Variants in GRB10 observed in about 807,000 individuals in gnomAD.
The protein encoded by GRB10 is growth factor receptor bound protein 10, also known as growth factor receptor-bound protein 10.
GRB10 carries 20 observed loss-of-function variants against 80.9 expected under a neutral mutation model. That is an observed-to-expected ratio of 0.25 (90% CI 0.17 to 0.36). The LOEUF (loss-of-function observed/expected upper bound fraction) is 0.36, where lower values mean the gene tolerates loss of function less well. GRB10 is among the 10% of genes least tolerant of loss of function. GRB10 has a pLI of 1.00. For synonymous variants in GRB10, 291 were observed against 291.5 expected (o/e 1.00, Z 0.02); for missense variants, 548 against 747.7 (o/e 0.73, Z 3.12).
chr7:50,767,006 C>G (rs1344966368), intron 2 of GRB10, among the ~76,000 whole-genome samples: 3 of 152,192 alleles, frequency 2.0e-5, no homozygotes, highest in East Asian at 3.8e-4. Flanking sequence ...AAATGCATCA[C>G]TATCATACAG....
intron 7 of GRB10, among the ~76,000 whole-genome samples, chr7:50,662,372 G>A (rs1380058911): frequency 6.6e-6 from 1 of 152,246 alleles, no homozygotes; most frequent in Non-Finnish European, 1.5e-5. Flanking sequence ...TCCAAGAAAT[G>A]AAGGGTTATT....
At chr7:50,593,467 G>C (rs1331547896) in intron 18 of GRB10, among the ~76,000 whole-genome samples, 1 of 152,102 alleles carries the variant, frequency 6.6e-6, no homozygotes, top group African/African-American at 2.4e-5. Context: ...GCCCCGAGAA[G>C]ACTGCACAAA....
At chr7:50,682,411 A>G (rs1159522909) in intron 5 of GRB10, among the ~76,000 whole-genome samples, 6 of 152,222 alleles carry the variant, frequency 3.9e-5, no homozygotes. Flanking sequence ...ACGTGCCCTC[A>G]GGCAGGGTCA....
rs1220592708 is a variant in GRB10, at chr7:50,773,401, G to GGGGAA, written c.-217+7221_-217+7225dup. Among the ~76,000 whole-genome samples the GGGGAA allele has an allele frequency of 6.1e-4, 43 of 70,992 alleles. 1 individual carries two copies. In the East Asian group the frequency reaches 6.3e-3, roughly 10 times the overall value. The allele number at this position is 70,992 out of a possible 152,430, so 46.6% of individuals were successfully genotyped here. On this transcript the variant is annotated intron_variant, in intron 2 of 18. Coordinates refer to ENST00000401949, the MANE Select transcript of GRB10 (RefSeq NM_001350814.2). Reference sequence around the variant, plus strand: ...GAATGGGAAGGGAAGGGGAAGGGAAGGGGAAGGGGAAGGGGACGGGGAAGG... The same window carrying GGGGAA: ...GAATGGGAAGGGAAGGGGAAGGGAAGGGGAAGGGAAGGGGAAGGGGACGGGGAAGG...
At chr7:50,596,643 G>C (rs1367619302) in intron 17 of GRB10, among the ~76,000 whole-genome samples, 1 of 152,194 alleles carries the variant, frequency 6.6e-6, no homozygotes, top group South Asian at 2.1e-4. Flanking sequence ...AGAAGTTCTT[G>C]TTCTTAGAAA....
At chr7:50,765,881 A>G (rs1269616397) in intron 2 of GRB10, among the ~76,000 whole-genome samples, 1 of 152,254 alleles carries the variant, frequency 6.6e-6, no homozygotes, top group African/African-American at 2.4e-5. Flanking sequence ...GGGTATATTA[A>G]GTACACTGAT....
At chr7:50,661,896 G>A (rs2059318673) in intron 7 of GRB10, among the ~76,000 whole-genome samples, 1 of 152,222 alleles carries the variant, frequency 6.6e-6, no homozygotes, top group Non-Finnish European at 1.5e-5. Flanking sequence ...CAAGTGCCGT[G>A]ACACAGGACG....
intron 8 of GRB10, among the ~76,000 whole-genome samples, chr7:50,619,634 T>C (rs1298522391): frequency 6.6e-6 from 1 of 152,026 alleles, no homozygotes; most frequent in Non-Finnish European, 1.5e-5. Flanking sequence ...AGTGAGACAA[T>C]ATTCAAAGAC....
chr7:50,655,942 T>C (rs925440738), intron 7 of GRB10, among the ~76,000 whole-genome samples: 1 of 152,160 alleles, frequency 6.6e-6, no homozygotes, highest in Non-Finnish European at 1.5e-5. Flanking sequence ...TGGCAGCATG[T>C]TGGAAACTGT....
intron 13 of GRB10, among the ~76,000 whole-genome samples, chr7:50,607,743 T>C (rs1483640597): frequency 6.6e-6 from 1 of 152,196 alleles, no homozygotes; most frequent in Non-Finnish European, 1.5e-5. Flanking sequence ...TAGCTGAGGC[T>C]TGCCACCTAA....
At chr7:50,661,371 C>T (rs1315716098) in intron 7 of GRB10, among the ~76,000 whole-genome samples, 1 of 152,124 alleles carries the variant, frequency 6.6e-6, no homozygotes, top group East Asian at 1.9e-4. Flanking sequence ...GATTTATGTC[C>T]TATTACTAAC....
At chr7:50,681,607 C>T (rs1221624498) in intron 5 of GRB10, among the ~76,000 whole-genome samples, 1 of 152,202 alleles carries the variant, frequency 6.6e-6, no homozygotes, top group African/African-American at 2.4e-5. Flanking sequence ...GATTCTGTTG[C>T]CAGAATAATC....
intron 3 of GRB10, among the ~76,000 whole-genome samples, chr7:50,742,448 A>C (rs1208320016): frequency 3.3e-5 from 5 of 152,198 alleles, no homozygotes; most frequent in Admixed American, 1.3e-4. Context: ...AGGATCCTAC[A>C]AGTCCTAGGG....
At chr7:50,709,304 C>G (rs1004284463) in intron 4 of GRB10, among the ~76,000 whole-genome samples, 2 of 152,204 alleles carry the variant, frequency 1.3e-5, no homozygotes, top group Non-Finnish European at 2.9e-5. Flanking sequence ...TCTGTCTGCT[C>G]CTCCATCCTG....
chr7:50,786,650 C>T (rs2078705385), upstream of GRB10, among the ~76,000 whole-genome samples: 1 of 152,166 alleles, frequency 6.6e-6, no homozygotes, highest in Admixed American at 6.5e-5. Flanking sequence ...TCAGACAAAC[C>T]GTAAACTGTG....
At chr7:50,727,826 G>A (rs2068901682) in intron 4 of GRB10, 1 of 152,078 alleles carries the variant, frequency 6.6e-6, no homozygotes, top group Non-Finnish European at 1.5e-5. Context: ...CATTTAACAG[G>A]GTCTTTTGTG....
chr7:50,696,667 TTA>T (rs1266396233), intron 5 of GRB10, among the ~76,000 whole-genome samples: 2 of 152,176 alleles, frequency 1.3e-5, no homozygotes, highest in Admixed American at 1.3e-4. Flanking sequence ...TCTGCTTGGG[TTA>T]TGAGCAGTAA....
intron 7 of GRB10, among the ~76,000 whole-genome samples, chr7:50,665,025 G>A (rs1464615597): frequency 2.6e-5 from 4 of 152,276 alleles, no homozygotes; most frequent in Admixed American, 2.6e-4. Context: ...TCAAACCACT[G>A]AATAAAATTA....
At chr7:50,610,090 C>T (rs1166197659) in intron 13 of GRB10, among the ~76,000 whole-genome samples, 11 of 152,172 alleles carry the variant, frequency 7.2e-5, no homozygotes, top group African/African-American at 1.9e-4. Flanking sequence ...CTCAGACCCT[C>T]TTATCCTCTA....
Sources: allele counts gnomAD v4.1 joint callset (sites outside exome capture counted in the v4.1 genomes callset), GRCh38; gene constraint gnomAD v4.1.1; transcripts MANE v1.5; gene names NCBI Gene and HGNC (gene_info 2026-07-23, HGNC 2026-07-21).